Variants in NDUFS4 observed in about 807,000 individuals in gnomAD.
The protein encoded by NDUFS4 is NADH dehydrogenase [ubiquinone] iron-sulfur protein 4, mitochondrial.
A neutral mutation model predicts 24.3 loss-of-function variants in NDUFS4; 28 were observed. The ratio of observed to expected loss-of-function variants is 1.15; its 90% CI spans 0.85 to 1.58. NDUFS4 has a LOEUF of 1.58. Ranked by LOEUF, NDUFS4 falls within the 40% of genes most tolerant of loss-of-function variation. The probability of loss-of-function intolerance (pLI) is 0.00; values close to 1 mark genes in which losing one functional copy is unlikely to be tolerated. For missense variants in NDUFS4, 223 were observed against 207.9 expected (o/e 1.07, Z -0.45); for synonymous variants, 93 against 69.7 (o/e 1.34, Z -1.67).
intron 2 of NDUFS4, among the ~76,000 whole-genome samples, chr5:53,639,774 ACTTGTTTCTTCCTCTCTC>A: frequency 6.6e-6 from 1 of 152,294 alleles, no homozygotes; most frequent in Non-Finnish European, 1.5e-5. Flanking sequence ...CTTTGTTTAA[ACTTGTTTCTTCCTCTCTC>A]TTTTTTTCTT....
chr5:53,682,778 A>T (rs1740710010), intron 4 of NDUFS4, among the ~76,000 whole-genome samples: 1 of 152,116 alleles, frequency 6.6e-6, no homozygotes, highest in African/African-American at 2.4e-5. Context: ...TCTTCATTGC[A>T]ACTATTTTAA....
At chr5:53,593,755 T>C (rs992692157) in intron 1 of NDUFS4, among the ~76,000 whole-genome samples, 23 of 152,076 alleles carry the variant, frequency 1.5e-4, no homozygotes, top group African/African-American at 5.5e-4. Flanking sequence ...ATTTTCATTT[T>C]CATTTAGTTC....
chr5:53,631,590 G>A (rs545600406), intron 2 of NDUFS4, among the ~76,000 whole-genome samples: 1 of 152,282 alleles, frequency 6.6e-6, no homozygotes, highest in East Asian at 1.9e-4. Context: ...TGCCCATAGA[G>A]GTGGAATCTA....
intron 3 of NDUFS4, among the ~76,000 whole-genome samples, chr5:53,652,829 A>G (rs962057874): frequency 5.9e-5 from 9 of 152,158 alleles, no homozygotes; most frequent in Admixed American, 4.6e-4. Context: ...GTTTGACCCA[A>G]GTGTTTTTAC....
At chr5:53,621,038 G>A (rs1167801945) in intron 2 of NDUFS4, among the ~76,000 whole-genome samples, 2 of 152,152 alleles carry the variant, frequency 1.3e-5, no homozygotes, top group Non-Finnish European at 2.9e-5. Flanking sequence ...TCTTGAGAGA[G>A]AAGAGTTAAC....
intron 1 of NDUFS4, among the ~76,000 whole-genome samples, chr5:53,561,777 A>G (rs769364904): frequency 1.3e-5 from 2 of 152,122 alleles, no homozygotes; most frequent in Non-Finnish European, 2.9e-5. Context: ...ATTCGGAAGA[A>G]TTTTTAAGGA....
At chr5:53,636,868 G>T (rs775014757) in intron 2 of NDUFS4, among the ~76,000 whole-genome samples, 1 of 152,136 alleles carries the variant, frequency 6.6e-6, no homozygotes, top group Non-Finnish European at 1.5e-5. Context: ...ACGTGAAGAT[G>T]CCTGCTCTGG....
chr5:53,614,415 A>T (rs899697161), intron 2 of NDUFS4, among the ~76,000 whole-genome samples: 1 of 151,976 alleles, frequency 6.6e-6, no homozygotes, highest in African/African-American at 2.4e-5. Context: ...TTCTATATTT[A>T]AATTGTTTAA....
intron 1 of NDUFS4, among the ~76,000 whole-genome samples, chr5:53,572,667 G>A (rs568248278): frequency 2.0e-5 from 3 of 147,852 alleles, no homozygotes; most frequent in East Asian, 2.0e-4. Flanking sequence ...TTTTTTTGGC[G>A]GAGTCTCGCC....
chr5:53,613,154 T>C (rs1469727745), intron 2 of NDUFS4, among the ~76,000 whole-genome samples: 1 of 152,064 alleles, frequency 6.6e-6, no homozygotes, highest in Non-Finnish European at 1.5e-5. Context: ...TTTTGGTGTA[T>C]GGCAGTGCTA....
intron 4 of NDUFS4, among the ~76,000 whole-genome samples, chr5:53,659,588 G>A (rs1374129122): frequency 6.6e-6 from 1 of 152,096 alleles, no homozygotes; most frequent in African/African-American, 2.4e-5. Flanking sequence ...GTCTTCCTTA[G>A]ATTCAAATGC....
At chr5:53,615,066 G>T (rs1429794862) in intron 2 of NDUFS4, among the ~76,000 whole-genome samples, 1 of 151,616 alleles carries the variant, frequency 6.6e-6, no homozygotes, top group Non-Finnish European at 1.5e-5. Flanking sequence ...TTTATGGTAG[G>T]GTATGCAGAT....
At chr5:53,661,836 A>G (rs1752353254) in intron 4 of NDUFS4, among the ~76,000 whole-genome samples, 1 of 152,146 alleles carries the variant, frequency 6.6e-6, no homozygotes, top group Non-Finnish European at 1.5e-5. Context: ...TGGTTTTTGC[A>G]CATGGATTTT....
intron 1 of NDUFS4, among the ~76,000 whole-genome samples, chr5:53,569,529 C>T (rs1749145470): frequency 6.6e-6 from 1 of 151,950 alleles, no homozygotes; most frequent in African/African-American, 2.4e-5. Context: ...AAGTCCAACC[C>T]TTTATTTAAT....
chr5:53,596,139 T>G (rs1423400541), intron 1 of NDUFS4, among the ~76,000 whole-genome samples: 1 of 152,164 alleles, frequency 6.6e-6, no homozygotes, highest in Non-Finnish European at 1.5e-5. Context: ...AATGTTAAAA[T>G]GGTCCCTTAG....
chr5:53,655,440 C>T (rs1388691353), intron 3 of NDUFS4, among the ~76,000 whole-genome samples: 1 of 141,672 alleles, frequency 7.1e-6, no homozygotes, highest in Non-Finnish European at 1.5e-5. Context: ...TTTTGCTTAA[C>T]TTTGTGAGAT....
intron 2 of NDUFS4, among the ~76,000 whole-genome samples, chr5:53,621,690 ATTTTTTTTTTT>A (rs58169759): frequency 9.8e-5 from 8 of 81,562 alleles, no homozygotes; most frequent in African/African-American, 2.2e-4. Flanking sequence ...CTCATAGTAA[ATTTTTTTTTTT>A]TTTTTTTTTT....
At chr5:53,561,837 G>C (rs1436908790) in intron 1 of NDUFS4, among the ~76,000 whole-genome samples, 1 of 152,144 alleles carries the variant, frequency 6.6e-6, no homozygotes, top group Non-Finnish European at 1.5e-5. Context: ...GGAAAGAAGA[G>C]AGTGTCCCGT....
intron 1 of NDUFS4, among the ~76,000 whole-genome samples, chr5:53,596,090 G>C (rs548514963): frequency 6.6e-6 from 1 of 152,030 alleles, no homozygotes; most frequent in East Asian, 1.9e-4. Flanking sequence ...AGCATTTGTG[G>C]GTTCTTTTCT....
Sources: gnomAD v4.1 joint callset for allele counts (sites outside exome capture counted in the v4.1 genomes callset) on GRCh38, gnomAD v4.1.1 for gene constraint, MANE v1.5 for transcripts, NCBI Gene and HGNC (gene_info 2026-07-23, HGNC 2026-07-21) for gene names.